Variants in ZFR2 observed in about 807,000 individuals in gnomAD.
The protein encoded by ZFR2 is zinc finger RNA binding protein 2.
ZFR2 carries 104 observed loss-of-function variants against 105.7 expected under a neutral mutation model. The ratio of observed to expected loss-of-function variants is 0.98; its 90% CI spans 0.84 to 1.16. The LOEUF (loss-of-function observed/expected upper bound fraction) is 1.16, where lower values mean the gene tolerates loss of function less well. Among genes scored for constraint, ZFR2 ranks in the 50% most tolerant of loss-of-function variants. The probability of loss-of-function intolerance (pLI) is 0.00; values close to 1 mark genes in which losing one functional copy is unlikely to be tolerated. For synonymous variants in ZFR2, 634 were observed against 597.7 expected, an observed-to-expected ratio of 1.06 and a Z score of -0.89; for missense variants, 1,425 against 1,355.5, an observed-to-expected ratio of 1.05 and a Z score of -0.80.
rs567926294 is a variant in ZFR2, at chr19:3,812,865, A to G, written c.2242+955T>C. 5.3e-5 allele frequency among the ~76,000 whole-genome samples: 8 copies of G among 152,228 alleles called. No homozygotes were observed. The East Asian group carries it at 1.5e-3, about 29-fold the overall frequency. ...AGGCCGAGGTGGGTGGATCACCTGA[A>G]GTCAGGAGTTCGAGACCAACCTGGC... On this transcript the variant is annotated intron_variant, in intron 14 of 18. Transcript: ENST00000262961.
rs774692924 is a variant in ZFR2, at chr19:3,813,844, G to T, written c.2218C>A (p.Arg740=). The T allele has an allele frequency of 7.4e-6, 12 of 1,613,710 alleles. No homozygotes were observed. The highest frequency in any genetic ancestry group is 1.3e-5 in the African/African-American group (1 of 74,912). The change falls in exon 14 of 19, where the codon CGG becomes AGG. Residue 740 remains arginine (R), a synonymous_variant. Transcript: ENST00000262961. This position sits in a 1 kb window ranked among gnomAD's most constrained non-coding sequence, Gnocchi z 4.4. ...CCTGGGTCTGTGGAGGGGTCCTCCC[G>T]CATCAGAGGTGAGGTGACAGATATG... ...VTISVTSPLM[R]EDPSTDPGVE...
At chr19:3,863,693 AAC>A (rs1356213990) in intron 1 of ZFR2, among the ~76,000 whole-genome samples, 3 of 152,142 alleles carry the variant, frequency 2.0e-5, no homozygotes, top group Non-Finnish European at 4.4e-5. Flanking sequence ...GGATGGCAAT[AAC>A]ACAGTCTCTA....
At position 3,823,862 on chromosome 19, in the gene ZFR2, G is replaced by C. The variant is rs979187308; in HGVS notation, c.1214-459C>G. 3.3e-5 allele frequency among the ~76,000 whole-genome samples: 5 copies of C among 152,190 alleles called. No homozygotes were observed. Among genetic ancestry groups the C allele is most frequent in the African/African-American group, 1.2e-4 (5 of 41,454 alleles). ...ATCAACGCTGCTGAGGCTAAAAATA[G>C]AATGTGGCTCCCTCGACCCCTGCCC... On this transcript the variant is annotated intron_variant, in intron 7 of 18. Transcript: ENST00000262961. The surrounding 1 kb of genome is among the most constrained non-coding windows in gnomAD (Gnocchi z 5.4).
intron 17 of ZFR2, among the ~76,000 whole-genome samples, chr19:3,807,501 G>T (rs1463596576): frequency 6.6e-6 from 1 of 152,208 alleles, no homozygotes; most frequent in Non-Finnish European, 1.5e-5. Context: ...GCATCTCCTG[G>T]GCGTTGTGTG....
chr19:3,833,580 A>G, intron 3 of ZFR2, 84 bp downstream of exon 3: 4 of 1,178,954 alleles, frequency 3.4e-6, no homozygotes, highest in Non-Finnish European at 4.7e-6. Context: ...TGTCTAAAAA[A>G]AAAAAAAAGT....
At chr19:3,868,864 G>GGGGCC in intron 1 of ZFR2, 101 bp downstream of exon 1, 2 of 1,009,590 alleles carry the variant, frequency 2.0e-6, no homozygotes, top group Non-Finnish European at 2.6e-6. Context: ...GGCTGGGACT[G>GGGGCC]GGGCCGGGCC....
Position 3,813,882 on chromosome 19 carries a change from C to A in ZFR2, c.2180G>T (p.Arg727Met). 1.2e-6 allele frequency: 2 copies of A among 1,613,926 alleles called. No individual in the cohort carries two copies. The highest frequency in any genetic ancestry group is 1.7e-6 in the Non-Finnish European group (2 of 1,179,864). ...NIVISSCEEP[R>M]MQVTISVTSP... ...GGTGACAGATATGGTGACCTGCATCCTGGGCTCCTCACAGGAGGAGATGAC... is the reference window on the plus strand; with the variant it reads ...GGTGACAGATATGGTGACCTGCATCATGGGCTCCTCACAGGAGGAGATGAC... Residue 727 changes from arginine to methionine, a missense_variant, in exon 14 of 19, where the codon AGG becomes ATG. By Grantham distance (91) the Arg-to-Met change is moderately conservative. Coordinates refer to ENST00000262961, the MANE Select transcript of ZFR2 (RefSeq NM_015174.2). This position sits in a 1 kb window ranked among gnomAD's most constrained non-coding sequence, Gnocchi z 4.4.
At chr19:3,844,013 T>TG (rs778178853) in intron 1 of ZFR2, among the ~76,000 whole-genome samples, 11,520 of 34,218 alleles carry the variant, frequency 0.34, 1,104 homozygotes, top group Middle Eastern at 0.4. Context: ...AAGTAGGATG[T>TG]GGGGGGGGGG....
At chr19:3,822,000 G>C (rs1011641058) in intron 9 of ZFR2, 81 bp downstream of exon 9, 3 of 1,504,644 alleles carry the variant, frequency 2.0e-6, no homozygotes, top group Non-Finnish European at 2.7e-6. Context: ...GCGCGGAAGA[G>C]GCCCGACCAC....
chr19:3,852,189 A>G (rs1171971684), intron 1 of ZFR2: 10 of 459,802 alleles, frequency 2.2e-5, no homozygotes, highest in African/African-American at 1.0e-4. Context: ...TCTCCTGGCC[A>G]AGGCGGGGCT....
chr19:3,819,235 G>C lies in ZFR2; in HGVS notation c.1741C>G (p.Pro581Ala). Residue 581 changes from proline to alanine, a missense_variant and splice_region_variant, in exon 12 of 19, where the codon CCC becomes GCC. Coordinates refer to ENST00000262961, the MANE Select transcript of ZFR2 (RefSeq NM_015174.2). ...TCGCTGGACGCCGGCCGCCGCCCGG[G>C]CTGTGGGGAGAGGCCGCACGTGTCA... The part of the protein sequence containing the change: ...PESPASAPLQ[P>A]GRRPASSDDR... The C allele has an allele frequency of 6.5e-7, 1 of 1,535,416 alleles. No homozygotes were observed. The highest frequency in any genetic ancestry group is 8.7e-7 in the Non-Finnish European group (1 of 1,149,906).
chr19:3,826,105 T>C (rs1015407152), intron 6 of ZFR2, among the ~76,000 whole-genome samples: 15 of 152,068 alleles, frequency 9.9e-5, no homozygotes, highest in Admixed American at 4.6e-4. Context: ...CCTGCAGCTC[T>C]GCCCCACCGG....
At chr19:3,814,917 C>T (rs1010422595) in intron 13 of ZFR2, among the ~76,000 whole-genome samples, 3 of 152,138 alleles carry the variant, frequency 2.0e-5, no homozygotes, top group African/African-American at 7.2e-5. Flanking sequence ...TTTTTGGCCT[C>T]TGCAGGTGCT....
At chr19:3,816,240 T>C (rs1409125249) in intron 13 of ZFR2, among the ~76,000 whole-genome samples, 1 of 135,484 alleles carries the variant, frequency 7.4e-6, no homozygotes, top group Non-Finnish European at 1.5e-5. Flanking sequence ...CTTCTTCTTG[T>C]ATCTTTTTTT....
At position 3,831,738 on chromosome 19, in the gene ZFR2, C is replaced by T. The variant is rs200522002; in HGVS notation, c.520G>A (p.Val174Ile). ...SGYTYPTATG[V>I]QPESSASIVT... ...ATGGAAGCTGACGACTCGGGCTGGACGCCTGTCGCCGTGGGGTAGGTGTAT... is the reference window on the plus strand; with the variant it reads ...ATGGAAGCTGACGACTCGGGCTGGATGCCTGTCGCCGTGGGGTAGGTGTAT... The change falls in exon 4 of 19, where the codon GTC becomes ATC. Residue 174 changes from valine to isoleucine, a missense_variant. Val to Ile is a conservative substitution (Grantham distance 29, BLOSUM62 3). Coordinates refer to ENST00000262961, the MANE Select transcript of ZFR2 (RefSeq NM_015174.2). 1.8e-4 allele frequency: 289 copies of T among 1,604,640 alleles called. No homozygotes were observed. The highest frequency in any genetic ancestry group is 2.3e-4 in the Non-Finnish European group (269 of 1,175,946).
chr19:3,857,166 C>T (rs540892679), intron 1 of ZFR2: 1 of 141,760 alleles, frequency 7.1e-6, no homozygotes, highest in South Asian at 2.2e-4. Flanking sequence ...CGACTCACTG[C>T]AACCTCTGCC....
At chr19:3,822,906 T>C (rs2037910827) in intron 8 of ZFR2, among the ~76,000 whole-genome samples, 1 of 152,182 alleles carries the variant, frequency 6.6e-6, no homozygotes, top group African/African-American at 2.4e-5. Flanking sequence ...GGAAAGGGGC[T>C]AGACAGAAGG....
chr19:3,807,647 A>C (rs999988313), intron 17 of ZFR2, among the ~76,000 whole-genome samples: 3 of 149,772 alleles, frequency 2.0e-5, no homozygotes, highest in Admixed American at 6.6e-5. Flanking sequence ...CTGTGTGTGC[A>C]TGTGTGCCCG....
intron 3 of ZFR2, among the ~76,000 whole-genome samples, chr19:3,832,317 CATT>C (rs1251147152): frequency 6.6e-6 from 1 of 151,688 alleles, no homozygotes; most frequent in Non-Finnish European, 1.5e-5. Flanking sequence ...TTTTTATTAT[CATT>C]ATTATTATTT....
Sources: allele counts gnomAD v4.1 joint callset (sites outside exome capture counted in the v4.1 genomes callset), GRCh38; gene constraint gnomAD v4.1.1; non-coding constraint Gnocchi (gnomAD v3.1); transcripts MANE v1.5; gene names NCBI Gene and HGNC (gene_info 2026-07-23, HGNC 2026-07-21).